SUGCT: variants seen among roughly 807,000 people sequenced by gnomAD.
The protein encoded by SUGCT is succinyl-CoA:glutarate-CoA transferase, also known as succinyl-CoA:glutarate CoA-transferase.
Under a neutral mutation model 55.0 loss-of-function variants are expected in SUGCT, and 41 were observed. The ratio of observed to expected loss-of-function variants is 0.74; its 90% confidence interval spans 0.58 to 0.97. The LOEUF is 0.97. SUGCT is among the 50% of genes least tolerant of loss of function. The probability of loss-of-function intolerance (pLI) is 0.00; values close to 1 mark genes in which losing one functional copy is unlikely to be tolerated. For missense variants in SUGCT, 568 were observed against 547.8 expected, an observed-to-expected ratio of 1.04 and a Z score of -0.37; for synonymous variants, 187 against 200.4, an observed-to-expected ratio of 0.93 and a Z score of 0.56.
At chr7:40,400,430 G>A (rs1329701243) in intron 9 of SUGCT, among the ~76,000 whole-genome samples, 4 of 152,192 alleles carry the variant, frequency 2.6e-5, no homozygotes, top group Non-Finnish European at 4.4e-5. Flanking sequence ...CGAGAACATA[G>A]AAGTGCATGT....
At chr7:40,877,281 C>G in the SUGCT span, among the ~76,000 whole-genome samples, 1 of 152,140 alleles carries the variant, frequency 6.6e-6, no homozygotes, top group East Asian at 1.9e-4. Flanking sequence ...TACCCAAATG[C>G]GTGTCTGTAT....
At chr7:40,476,835 T>C (rs1454531869) in intron 11 of SUGCT, among the ~76,000 whole-genome samples, 1 of 152,012 alleles carries the variant, frequency 6.6e-6, no homozygotes, top group Non-Finnish European at 1.5e-5. Context: ...TCTCACTCTG[T>C]TGCCAAGGCT....
chr7:40,956,740 C>T, the SUGCT span, among the ~76,000 whole-genome samples: 1 of 152,138 alleles, frequency 6.6e-6, no homozygotes, highest in Admixed American at 6.6e-5. Context: ...TTCCTGGTTT[C>T]TCCTATGGGC....
rs965834038 is a variant in SUGCT at position 40,383,402 on chromosome 7, C to T, written c.817-65885C>T. ...ATGATTCATCCCATTTCTATTAGGA[C>T]GGGTTCAAGACATAGGAACATCAGA... On this transcript the variant is annotated intron_variant, in intron 9 of 13. Transcript: ENST00000335693. 7.9e-5 allele frequency among the ~76,000 whole-genome samples: 12 copies of T among 152,194 alleles called. No individual in the cohort carries two copies. In the East Asian group the frequency reaches 9.6e-4, roughly 12 times the overall value.
At chr7:40,356,625 C>G (rs990504402) in intron 9 of SUGCT, among the ~76,000 whole-genome samples, 1 of 152,178 alleles carries the variant, frequency 6.6e-6, no homozygotes, top group African/African-American at 2.4e-5. Context: ...ACACCTTCCT[C>G]TGTAAATTTG....
chr7:40,357,191 T>C (rs1797920061), intron 9 of SUGCT, among the ~76,000 whole-genome samples: 1 of 152,258 alleles, frequency 6.6e-6, no homozygotes, highest in Admixed American at 6.5e-5. Flanking sequence ...TTAAATTTTA[T>C]AATTTTTCTG....
chr7:40,888,346 G>A, the SUGCT span, among the ~76,000 whole-genome samples: 1 of 151,928 alleles, frequency 6.6e-6, no homozygotes, highest in African/African-American at 2.4e-5. Context: ...TAGAGATAGG[G>A]AGGCCGAGGC....
intron 1 of SUGCT, among the ~76,000 whole-genome samples, chr7:40,167,801 T>C (rs1228965648): frequency 6.6e-6 from 1 of 152,090 alleles, no homozygotes; most frequent in African/African-American, 2.4e-5. Context: ...GGGGTGGAAG[T>C]CAGCGGCGGG....
intron 12 of SUGCT, among the ~76,000 whole-genome samples, chr7:40,603,178 A>G (rs1171946924): frequency 6.6e-6 from 1 of 152,192 alleles, no homozygotes; most frequent in East Asian, 1.9e-4. Context: ...TATAGAAAAT[A>G]TGTTGATTTA....
intron 12 of SUGCT, among the ~76,000 whole-genome samples, chr7:40,655,865 T>C (rs1206425593): frequency 6.6e-6 from 1 of 152,234 alleles, no homozygotes; most frequent in Non-Finnish European, 1.5e-5. Flanking sequence ...TCTTGTATTC[T>C]GTGCCATACT....
At chr7:40,486,803 A>G (rs1293034593) in intron 11 of SUGCT, among the ~76,000 whole-genome samples, 1 of 147,356 alleles carries the variant, frequency 6.8e-6, no homozygotes, top group Non-Finnish European at 1.5e-5. Flanking sequence ...ATAGCTTACT[A>G]TAACCTCAAA....
chr7:40,700,099 G>A (rs915345933), intron 12 of SUGCT, among the ~76,000 whole-genome samples: 1 of 152,138 alleles, frequency 6.6e-6, no homozygotes, highest in African/African-American at 2.4e-5. Context: ...AGGACAAGGA[G>A]GAAGATGACA....
chr7:40,877,400 C>T, the SUGCT span, among the ~76,000 whole-genome samples: 206 of 152,270 alleles, frequency 1.4e-3, no homozygotes, highest in African/African-American at 4.6e-3. Context: ...TAGACTTCAC[C>T]AGTGTAAACG....
intron 12 of SUGCT, among the ~76,000 whole-genome samples, chr7:40,522,750 TATACGA>T (rs1427067531): frequency 6.6e-6 from 1 of 152,138 alleles, no homozygotes; most frequent in Non-Finnish European, 1.5e-5. Context: ...TTGCAGTTGC[TATACGA>T]ATAACCCACA....
At chr7:40,539,743 G>T (rs966441656) in intron 12 of SUGCT, 1 of 152,078 alleles carries the variant, frequency 6.6e-6, no homozygotes, top group African/African-American at 2.4e-5. Context: ...AAAAAATTTT[G>T]CCAACATCAT....
At chr7:40,991,137 A>C in the SUGCT span, among the ~76,000 whole-genome samples, 2 of 152,074 alleles carry the variant, frequency 1.3e-5, no homozygotes, top group Non-Finnish European at 2.9e-5. Context: ...GAGATGTGCA[A>C]CTCTTCCTTT....
chr7:40,381,739 C>T (rs1194738948), intron 9 of SUGCT, among the ~76,000 whole-genome samples: 1 of 152,016 alleles, frequency 6.6e-6, no homozygotes, highest in Non-Finnish European at 1.5e-5. Context: ...GTACCAGAAT[C>T]CTAGGCATTA....
Position 40,318,938 on chromosome 7 carries a change from A to C in SUGCT, c.816+2083A>C, listed in dbSNP as rs186648649. Among the ~76,000 whole-genome samples, 255 of 152,302 alleles carry C rather than the reference A, an allele frequency of 1.7e-3. 3 individuals are homozygous for C. The highest frequency in any genetic ancestry group is 5.9e-3 in the African/African-American group (246 of 41,558). On this transcript the variant is annotated intron_variant, in intron 9 of 13. Coordinates refer to ENST00000335693, the MANE Select transcript of SUGCT (RefSeq NM_001193313.2). ...TCAGCTATTCCTTCTGGGCATGTGC[A>C]CCTAGAGTTCTGGCACCCTGGGTAT...
At chr7:40,638,726 G>A (rs957447242) in intron 12 of SUGCT, among the ~76,000 whole-genome samples, 27 of 152,130 alleles carry the variant, frequency 1.8e-4, no homozygotes, top group African/African-American at 5.8e-4. Context: ...GGAAAATGAT[G>A]TAGTAGGGAT....
Sources: gnomAD v4.1 joint callset for allele counts (sites outside exome capture counted in the v4.1 genomes callset) on GRCh38, gnomAD v4.1.1 for gene constraint, MANE v1.5 for transcripts, NCBI Gene and HGNC (gene_info 2026-07-23, HGNC 2026-07-21) for gene names.